The following PCDHA9 variants were observed in gnomAD, a reference collection of about 807,000 sequenced individuals.
The protein encoded by PCDHA9 is protocadherin alpha-9.
A neutral mutation model predicts 62.0 loss-of-function variants in PCDHA9; 62 were observed. That is an observed-to-expected ratio of 1.00 (90% CI 0.81 to 1.23). The LOEUF is 1.23. PCDHA9 is among the 50% of genes most tolerant of loss of function. The pLI is 0.00. For missense variants in PCDHA9, 1,205 were observed against 1,249.8 expected, an observed-to-expected ratio of 0.96 and a Z score of 0.54; for synonymous variants, 557 against 567.6, an observed-to-expected ratio of 0.98 and a Z score of 0.27.
intron 2 of PCDHA9, among the ~76,000 whole-genome samples, chr5:140,981,156 T>C (rs747008016): frequency 2.9e-4 from 44 of 152,360 alleles, no homozygotes; most frequent in Admixed American, 6.5e-4. Context: ...ATTGAACTTA[T>C]ATGTTGCCTT....
Position 140,877,726 on chromosome 5 carries a change from C to G in PCDHA9, c.2394+26837C>G, listed in dbSNP as rs781814794. On this transcript the variant is annotated intron_variant, in intron 1 of 3. Coordinates refer to ENST00000532602, the MANE Select transcript of PCDHA9 (RefSeq NM_031857.2). ...CGCCGTGGGGAGTTGGTCTTACTCGCAGCAGAGGAGGCAGAGGGTGTGCTC... is the reference window on the plus strand; with the variant it reads ...CGCCGTGGGGAGTTGGTCTTACTCGGAGCAGAGGAGGCAGAGGGTGTGCTC... 30 of 1,614,056 alleles carry G rather than the reference C, an allele frequency of 1.9e-5. No homozygotes were observed. In the African/African-American group the frequency reaches 3.7e-4, roughly 20 times the overall value.
At position 140,953,007 on chromosome 5, in the gene PCDHA9, T is replaced by C. The variant is rs186896706; in HGVS notation, c.2395-25942T>C. ...TCTCATGAGAACTCTCTCACTATTA[T>C]GAGAACAACATTAAGGGGGAAATCC... On this transcript the variant is annotated intron_variant, in intron 1 of 3. Transcript: ENST00000532602. 5.5e-4 allele frequency among the ~76,000 whole-genome samples: 84 copies of C among 152,242 alleles called. 1 individual carries two copies. In the East Asian group the frequency reaches 0.015, roughly 27 times the overall value.
At chr5:140,968,776 A>G (rs1346540500) in intron 1 of PCDHA9, 4 of 1,614,082 alleles carry the variant, frequency 2.5e-6, no homozygotes, top group Admixed American at 3.3e-5. Context: ...AGCCATCACT[A>G]TCAGCCTCTG....
At chr5:140,969,145 C>T (rs782791096) in intron 1 of PCDHA9, 1 of 1,614,168 alleles carries the variant, frequency 6.2e-7, no homozygotes, top group South Asian at 1.1e-5. Context: ...CCTACTGCTA[C>T]AAGGCCTGTC....
At chr5:140,881,944 A>C in intron 1 of PCDHA9, 1 of 302,118 alleles carries the variant, frequency 3.3e-6, no homozygotes, top group East Asian at 5.9e-5. Flanking sequence ...GTTTCTGGGA[A>C]GGTAAACATT....
intron 1 of PCDHA9, among the ~76,000 whole-genome samples, chr5:140,957,575 T>C (rs1437290620): frequency 6.6e-6 from 1 of 152,152 alleles, no homozygotes; most frequent in African/African-American, 2.4e-5. Flanking sequence ...ACTACTGTAC[T>C]TTTAACAAAG....
At chr5:140,975,486 A>G (rs1260336572) in intron 1 of PCDHA9, among the ~76,000 whole-genome samples, 4 of 152,228 alleles carry the variant, frequency 2.6e-5, no homozygotes, top group African/African-American at 4.8e-5. Flanking sequence ...GTTTATATCA[A>G]TGTTCATAAA....
chr5:140,978,140 T>C (rs1379052059), intron 1 of PCDHA9, among the ~76,000 whole-genome samples: 2 of 152,222 alleles, frequency 1.3e-5, no homozygotes, highest in Non-Finnish European at 2.9e-5. Flanking sequence ...ATTTTCCTCT[T>C]TGTTCTCCCC....
At chr5:140,976,523 C>T in intron 1 of PCDHA9, among the ~76,000 whole-genome samples, 1 of 151,724 alleles carries the variant, frequency 6.6e-6, no homozygotes. Flanking sequence ...TGCACACCAG[C>T]CTAAATGACA....
At chr5:140,883,635 C>T (rs997170789) in intron 1 of PCDHA9, 1 of 1,613,182 alleles carries the variant, frequency 6.2e-7, no homozygotes, top group Non-Finnish European at 8.5e-7. Flanking sequence ...CCGGCGTTCG[C>T]GCAGCCCGAG....
intron 1 of PCDHA9, among the ~76,000 whole-genome samples, chr5:140,961,708 A>C (rs2095630610): frequency 6.6e-6 from 1 of 152,204 alleles, no homozygotes; most frequent in Non-Finnish European, 1.5e-5. Flanking sequence ...GAATGCCTTC[A>C]TTTCTAAGTG....
At chr5:140,878,552 C>A (rs1035509057) in intron 1 of PCDHA9, among the ~76,000 whole-genome samples, 1 of 152,130 alleles carries the variant, frequency 6.6e-6, no homozygotes, top group Non-Finnish European at 1.5e-5. Flanking sequence ...TTCAGATGAT[C>A]CCAAACTTAT....
At chr5:140,898,100 G>C (rs1273803096) in intron 1 of PCDHA9, among the ~76,000 whole-genome samples, 2 of 152,132 alleles carry the variant, frequency 1.3e-5, no homozygotes, top group African/African-American at 4.8e-5. Flanking sequence ...CCCTTTGTCA[G>C]ATGAGTAGGT....
intron 1 of PCDHA9, chr5:140,876,450 G>T (rs2153340874): frequency 6.2e-7 from 1 of 1,614,012 alleles, no homozygotes; most frequent in Non-Finnish European, 8.5e-7. Context: ...TTGATAAAGG[G>T]ATTCCTTCCA....
At chr5:140,969,162 C>T in intron 1 of PCDHA9, 1 of 1,614,110 alleles carries the variant, frequency 6.2e-7, no homozygotes, top group Non-Finnish European at 8.5e-7. Flanking sequence ...TGTCTGACAG[C>T]AGGCTCAGGG....
chr5:140,853,444 A>G, intron 1 of PCDHA9: 1 of 982,390 alleles, frequency 1.0e-6, no homozygotes, highest in Non-Finnish European at 1.2e-6. Context: ...TATTTTGCCT[A>G]ATAGGTCTCC....
At position 140,848,435 on chromosome 5, in the gene PCDHA9, A is replaced by G; in HGVS notation, c.-61A>G. The G allele has an allele frequency of 6.8e-7, 1 of 1,473,142 alleles. No individual in the cohort carries two copies. Among genetic ancestry groups the G allele is most frequent in the Non-Finnish European group, 9.3e-7 (1 of 1,078,716 alleles). The allele number at this position is 1,473,142 out of a possible 1,614,324, so 91.3% of individuals were successfully genotyped here. On this transcript the variant is annotated 5_prime_UTR_variant, in exon 1 of 4. Transcript: ENST00000532602. ...ACAGCAGAATGGGACTGACGAAATC[A>G]GATGATTTCTTCTAATTTGGAGGCA...
At chr5:140,981,683 T>A (rs1484532280) in intron 2 of PCDHA9, among the ~76,000 whole-genome samples, 5 of 152,034 alleles carry the variant, frequency 3.3e-5, no homozygotes, top group Non-Finnish European at 5.9e-5. Flanking sequence ...CCTTCCTCCC[T>A]TCCATCATTC....
chr5:140,979,797 C>T (rs1253949980), intron 2 of PCDHA9, among the ~76,000 whole-genome samples: 1 of 152,154 alleles, frequency 6.6e-6, no homozygotes, highest in African/African-American at 2.4e-5. Flanking sequence ...AACAAATGAT[C>T]ACAACTATCA....
Sources: allele counts gnomAD v4.1 joint callset (sites outside exome capture counted in the v4.1 genomes callset), GRCh38; gene constraint gnomAD v4.1.1; transcripts MANE v1.5; gene names NCBI Gene and HGNC (gene_info 2026-07-23, HGNC 2026-07-21).